Variants in PDE4D observed in about 807,000 individuals in gnomAD.
PDE4D encodes the protein 3',5'-cyclic-AMP phosphodiesterase 4D.
In PDE4D, 24 loss-of-function variants were observed where a neutral mutation model predicts 87.4. That is an observed-to-expected ratio of 0.27 (90% CI 0.20 to 0.39). The LOEUF is 0.39. Ranked by LOEUF, PDE4D falls within the 10% of genes least tolerant of loss-of-function variation. The probability of loss-of-function intolerance (pLI) is 1.00; values close to 1 mark genes in which losing one functional copy is unlikely to be tolerated. For synonymous variants in PDE4D, 384 were observed against 383.2 expected, an observed-to-expected ratio of 1.00 and a Z score of -0.02; for missense variants, 714 against 1,041.0, an observed-to-expected ratio of 0.69 and a Z score of 4.32.
In PDE4D at chr5:60,244,585, T is replaced by C. The variant is rs61301494; in HGVS notation, c.-89-58898A>G. ...CTATAGTAACAAAAACAGCATGGTA[T>C]TGGCATAAAGGCAGACACATAGACC... is the stretch of plus-strand genomic sequence containing the variant. On this transcript the variant is annotated intron_variant, in intron 1 of 16. Transcript: ENST00000502484. 7.8e-3 allele frequency among the ~76,000 whole-genome samples: 1,183 copies of C among 151,922 alleles called. 7 individuals carry two copies. The highest frequency in any genetic ancestry group is 0.027 in the African/African-American group (1,114 of 41,496).
chr5:60,508,494 A>G (rs1388313538), intron 1 of PDE4D, among the ~76,000 whole-genome samples: 1 of 152,240 alleles, frequency 6.6e-6, no homozygotes, highest in African/African-American at 2.4e-5. Flanking sequence ...CAAGTCAAAT[A>G]AAAGGAGTTC....
chr5:60,391,231 C>T lies in PDE4D; in HGVS notation c.-90+96711G>A, dbSNP rs559605570. Among the ~76,000 whole-genome samples, 5 of 152,238 alleles carry T rather than the reference C, an allele frequency of 3.3e-5. No homozygotes were observed. The South Asian group carries it at 1.0e-3, about 32-fold the overall frequency. Reference sequence around the variant, plus strand: ...ATAATTGAATAAATGATTGATCTAACCTATAACATCCCCACATGGTGATCA... The same window carrying T: ...ATAATTGAATAAATGATTGATCTAATCTATAACATCCCCACATGGTGATCA... On this transcript the variant is annotated intron_variant, in intron 1 of 16. Transcript: ENST00000502484.
intron 2 of PDE4D, among the ~76,000 whole-genome samples, chr5:60,184,948 C>G (rs1784662961): frequency 6.6e-6 from 1 of 152,050 alleles, no homozygotes; most frequent in South Asian, 2.1e-4. Context: ...TTGAGTTGCT[C>G]TATTTGCTTT....
intron 1 of PDE4D, among the ~76,000 whole-genome samples, chr5:59,782,708 G>A (rs1764753511): frequency 6.6e-6 from 1 of 152,110 alleles, no homozygotes; most frequent in Non-Finnish European, 1.5e-5. Flanking sequence ...ATACCCAGCA[G>A]CATCCTTTCT....
At chr5:60,347,973 G>A (rs1758872028) in intron 1 of PDE4D, among the ~76,000 whole-genome samples, 1 of 152,134 alleles carries the variant, frequency 6.6e-6, no homozygotes, top group Non-Finnish European at 1.5e-5. Flanking sequence ...CAGCCCAAAA[G>A]ATTAAAGCTG....
At chr5:59,985,131 G>GTTTTTTTTTTTTT (rs1357220308) in intron 3 of PDE4D, among the ~76,000 whole-genome samples, 1 of 116,086 alleles carries the variant, frequency 8.6e-6, no homozygotes, top group Non-Finnish European at 1.8e-5. Flanking sequence ...TTCGTTTTTT[G>GTTTTTTTTTTTTT]TTTTTTGTTT....
Position 60,441,969 on chromosome 5 carries a change from G to A in PDE4D, c.-90+45973C>T, listed in dbSNP as rs531356765. Among the ~76,000 whole-genome samples the A allele has an allele frequency of 3.9e-5, 6 of 152,254 alleles. No individual in the cohort carries two copies. In the South Asian group the frequency reaches 1.0e-3, roughly 26 times the overall value. ...ATGCTGGAGAGGATGTGGAGAAATA[G>A]GAATGCTTTTACACTGTTGGTGGGA... On this transcript the variant is annotated intron_variant, in intron 1 of 16. Transcript: ENST00000502484.
chr5:59,309,834 A>C (rs540009839), intron 1 of PDE4D, among the ~76,000 whole-genome samples: 119 of 152,224 alleles, frequency 7.8e-4, no homozygotes, highest in Middle Eastern at 3.4e-3. Context: ...AATAAGAACC[A>C]AAGACTGTGT....
intron 5 of PDE4D, among the ~76,000 whole-genome samples, chr5:59,069,819 A>G (rs1284152262): frequency 6.6e-6 from 1 of 152,174 alleles, no homozygotes; most frequent in African/African-American, 2.4e-5. Flanking sequence ...ATTATTTCCA[A>G]ATATAAAAGG....
intron 2 of PDE4D, among the ~76,000 whole-genome samples, chr5:60,109,887 G>A (rs1483557706): frequency 6.6e-6 from 1 of 151,778 alleles, no homozygotes; most frequent in African/African-American, 2.4e-5. Flanking sequence ...GGGAGGGATA[G>A]CATTAGGAGA....
chr5:60,149,648 G>C (rs1158024490), intron 2 of PDE4D, among the ~76,000 whole-genome samples: 1 of 151,806 alleles, frequency 6.6e-6, no homozygotes, highest in African/African-American at 2.4e-5. Flanking sequence ...TGGCCATTTA[G>C]AATTTCAGTA....
chr5:60,505,073 T>A (rs531508989), intron 1 of PDE4D, among the ~76,000 whole-genome samples: 1 of 152,338 alleles, frequency 6.6e-6, no homozygotes, highest in African/African-American at 2.4e-5. Flanking sequence ...AAGCTAGCAT[T>A]TCTTGTGAAG....
In PDE4D at chr5:60,384,516, A is replaced by T. The variant is rs550732337; in HGVS notation, c.-90+103426T>A. Reference sequence around the variant, plus strand: ...GTCTGACCTTGCCAAGCCTCTCTGCAGTCTTTGACTCTGTTTGCTTCCTCT... The same window carrying T: ...GTCTGACCTTGCCAAGCCTCTCTGCTGTCTTTGACTCTGTTTGCTTCCTCT... On this transcript the variant is annotated intron_variant, in intron 1 of 16. Coordinates refer to the PDE4D transcript ENST00000502484. Among the ~76,000 whole-genome samples, 3 of 152,310 alleles carry T rather than the reference A, an allele frequency of 2.0e-5. No homozygotes were observed. The South Asian group carries it at 6.2e-4, about 32-fold the overall frequency.
intron 2 of PDE4D, among the ~76,000 whole-genome samples, chr5:59,200,401 C>A (rs1244513030): frequency 1.7e-3 from 16 of 9,276 alleles, no homozygotes; most frequent in East Asian, 6.0e-3. Context: ...GTATGTACAG[C>A]TACACGTATA....
At chr5:60,344,187 T>C (rs898940773) in intron 1 of PDE4D, among the ~76,000 whole-genome samples, 10 of 152,148 alleles carry the variant, frequency 6.6e-5, no homozygotes, top group Admixed American at 1.3e-4. Context: ...AAGGCTCCTA[T>C]CTACCCCTGC....
chr5:60,084,411 C>T lies in PDE4D; in HGVS notation c.43-95694G>A, dbSNP rs1022773787. Among the ~76,000 whole-genome samples, 8 of 151,902 alleles carry T rather than the reference C, an allele frequency of 5.3e-5. No homozygotes were observed. In the South Asian group the frequency reaches 8.3e-4, roughly 16 times the overall value. On this transcript the variant is annotated intron_variant, in intron 2 of 16. Transcript: ENST00000502484. ...TAACGTGTGTGTGTGTGTGTGCGCG[C>T]GCGCGTGTGCGCATGCGCACGCATG...
At chr5:59,323,938 C>G (rs1261245481) in intron 1 of PDE4D, among the ~76,000 whole-genome samples, 1 of 152,132 alleles carries the variant, frequency 6.6e-6, no homozygotes, top group African/African-American at 2.4e-5. Flanking sequence ...TTCTGACTGA[C>G]TCCCCAACTT....
At chr5:59,629,183 T>C (rs1831260678) in intron 1 of PDE4D, among the ~76,000 whole-genome samples, 3 of 152,126 alleles carry the variant, frequency 2.0e-5, no homozygotes, top group Admixed American at 1.3e-4. Flanking sequence ...TGGTCAAGCA[T>C]GGTCTGTCTG....
intron 1 of PDE4D, among the ~76,000 whole-genome samples, chr5:59,530,315 G>C (rs1441529895): frequency 6.6e-6 from 1 of 152,084 alleles, no homozygotes; most frequent in African/African-American, 2.4e-5. Flanking sequence ...AGGTACTTAA[G>C]AGGATACAAA....
Sources: allele counts gnomAD v4.1 joint callset (sites outside exome capture counted in the v4.1 genomes callset), GRCh38; gene constraint gnomAD v4.1.1; transcripts MANE v1.5; gene names NCBI Gene and HGNC (gene_info 2026-07-23, HGNC 2026-07-21).